PPP2R5E: variants seen among roughly 807,000 people sequenced by gnomAD.
The protein encoded by PPP2R5E is protein phosphatase 2 regulatory subunit B'epsilon, also known as serine/threonine-protein phosphatase 2A 56 kDa regulatory subunit epsilon isoform.
A neutral mutation model predicts 65.3 loss-of-function variants in PPP2R5E; 4 were observed. That is an observed-to-expected ratio of 0.06 (90% CI 0.03 to 0.14). The LOEUF (loss-of-function observed/expected upper bound fraction) is 0.14, where lower values mean the gene tolerates loss of function less well. Ranked by LOEUF, PPP2R5E falls within the 10% of genes least tolerant of loss-of-function variation. PPP2R5E has a pLI of 1.00. For missense variants in PPP2R5E, 274 were observed against 556.1 expected, an observed-to-expected ratio of 0.49 and a Z score of 5.10; for synonymous variants, 183 against 187.4, an observed-to-expected ratio of 0.98 and a Z score of 0.19.
At chr14:63,382,868 AAC>A (rs1463775520) in intron 12 of PPP2R5E, among the ~76,000 whole-genome samples, 1 of 152,224 alleles carries the variant, frequency 6.6e-6, no homozygotes, top group African/African-American at 2.4e-5. Context: ...TTTTCTAAAT[AAC>A]ACATAATTCA....
At chr14:63,419,560 A>G (rs1886888253) in intron 4 of PPP2R5E, among the ~76,000 whole-genome samples, 1 of 151,766 alleles carries the variant, frequency 6.6e-6, no homozygotes, top group Non-Finnish European at 1.5e-5. Context: ...AAAGGTGGCT[A>G]ATTTGTGCTA....
In PPP2R5E at chr14:63,430,377, G is replaced by GCATGCATA. The variant is rs1887587508; in HGVS notation, c.355-8284_355-8283insTATGCATG. Among the ~76,000 whole-genome samples the GCATGCATA allele has an allele frequency of 1.7e-4, 23 of 137,024 alleles. No homozygotes were observed. In the East Asian group the frequency reaches 2.6e-3, roughly 15 times the overall value. The allele number at this position is 137,024 out of a possible 152,430, so 89.9% of individuals were successfully genotyped here. On this transcript the variant is annotated intron_variant, in intron 3 of 13. Transcript: ENST00000337537. ...TACATACATACATACATACATGCAT[G>GCATGCATA]CATACATACATACATACATACATGC...
chr14:63,494,226 C>T (rs73276520), intron 2 of PPP2R5E, among the ~76,000 whole-genome samples: 3,044 of 151,930 alleles, frequency 0.02, 102 homozygotes, highest in African/African-American at 0.07. Flanking sequence ...AAGACTGTAC[C>T]GCCATTTATT....
chr14:63,442,652 T>C (rs1315470195), intron 3 of PPP2R5E, among the ~76,000 whole-genome samples: 1 of 152,206 alleles, frequency 6.6e-6, no homozygotes, highest in Non-Finnish European at 1.5e-5. Flanking sequence ...GTTATAGCTA[T>C]TCTATTTTAC....
intron 2 of PPP2R5E, among the ~76,000 whole-genome samples, chr14:63,496,445 A>G (rs547311422): frequency 2.2e-4 from 32 of 147,730 alleles, no homozygotes; most frequent in Middle Eastern, 3.4e-3. Flanking sequence ...CTCTGTCTCA[A>G]AAAAAAAAAA....
At chr14:63,427,399 AAAG>A (rs1887397592) in intron 3 of PPP2R5E, among the ~76,000 whole-genome samples, 1 of 152,202 alleles carries the variant, frequency 6.6e-6, no homozygotes, top group African/African-American at 2.4e-5. Flanking sequence ...GTGTCAGTGC[AAAG>A]TAAAAAAAAA....
chr14:63,462,215 C>A (rs570165747), intron 2 of PPP2R5E, among the ~76,000 whole-genome samples: 2 of 152,048 alleles, frequency 1.3e-5, no homozygotes, highest in Non-Finnish European at 1.5e-5. Flanking sequence ...GGACTACAGG[C>A]ACCTGCCACC....
rs572465030 is a variant in PPP2R5E at position 63,472,962 on chromosome 14, C to A, written c.158-19077G>T. Among the ~76,000 whole-genome samples, 11 of 152,212 alleles carry A rather than the reference C, an allele frequency of 7.2e-5. No individual in the cohort carries two copies. The East Asian group carries it at 2.1e-3, about 29-fold the overall frequency. ...TCAAATTAGCCAAAAACAATGTCAT[C>A]AGAACCAAGTATGAAGAGTTATGAG... On this transcript the variant is annotated intron_variant, in intron 2 of 13. Coordinates refer to ENST00000337537, the MANE Select transcript of PPP2R5E (RefSeq NM_006246.5).
At chr14:63,539,101 G>A (rs905466483) in intron 2 of PPP2R5E, among the ~76,000 whole-genome samples, 5 of 151,760 alleles carry the variant, frequency 3.3e-5, no homozygotes, top group African/African-American at 9.7e-5. Context: ...TTTTAAAAAC[G>A]AATTCTTCCA....
At chr14:63,540,018 G>A (rs1019670462) in intron 1 of PPP2R5E, among the ~76,000 whole-genome samples, 6 of 151,690 alleles carry the variant, frequency 4.0e-5, no homozygotes, top group Admixed American at 6.6e-5. Flanking sequence ...TCAGCTACCC[G>A]GGAGGCTGAG....
At chr14:63,420,557 G>A (rs1487062630) in intron 4 of PPP2R5E, among the ~76,000 whole-genome samples, 1 of 152,150 alleles carries the variant, frequency 6.6e-6, no homozygotes, top group African/African-American at 2.4e-5. Flanking sequence ...GCCTGAGTAA[G>A]AGCTGAGAAA....
intron 2 of PPP2R5E, among the ~76,000 whole-genome samples, chr14:63,462,330 A>G (rs1353352543): frequency 1.3e-5 from 2 of 152,124 alleles, no homozygotes; most frequent in Non-Finnish European, 2.9e-5. Context: ...TCGGCCTCCC[A>G]AAGTGCTAGG....
intron 2 of PPP2R5E, among the ~76,000 whole-genome samples, chr14:63,472,876 G>C (rs1283727027): frequency 6.6e-6 from 1 of 152,244 alleles, no homozygotes; most frequent in Non-Finnish European, 1.5e-5. Context: ...TGACAACACA[G>C]AAATGTGGGA....
chr14:63,520,192 C>A (rs542597733), intron 2 of PPP2R5E, among the ~76,000 whole-genome samples: 1 of 151,908 alleles, frequency 6.6e-6, no homozygotes, highest in Non-Finnish European at 1.5e-5. Context: ...CCCGCCACCA[C>A]GCCCGGCTAA....
chr14:63,539,758 A>C lies in PPP2R5E; in HGVS notation c.-7-66T>G. On this transcript the variant is annotated intron_variant, in intron 1 of 13. Coordinates refer to ENST00000337537, the MANE Select transcript of PPP2R5E (RefSeq NM_006246.5). ...GTGGAAGCATACATGTGAGTTATACAAATTCTAAAATTCCCATATACAATA... is the reference window on the plus strand; with the variant it reads ...GTGGAAGCATACATGTGAGTTATACCAATTCTAAAATTCCCATATACAATA... 4 of 1,416,584 alleles carry C rather than the reference A, an allele frequency of 2.8e-6. No individual in the cohort carries two copies. In the South Asian group the frequency reaches 4.0e-5, roughly 14 times the overall value. The allele number at this position is 1,416,584 out of a possible 1,614,324, so 87.8% of individuals were successfully genotyped here.
chr14:63,423,648 A>G (rs1594857997), intron 3 of PPP2R5E, among the ~76,000 whole-genome samples: 3 of 152,252 alleles, frequency 2.0e-5, no homozygotes, highest in African/African-American at 4.8e-5. Context: ...TAATGCAGAA[A>G]ATACTGAGCT....
chr14:63,515,419 T>G (rs1301378013), intron 2 of PPP2R5E, among the ~76,000 whole-genome samples: 2 of 152,222 alleles, frequency 1.3e-5, no homozygotes, highest in African/African-American at 4.8e-5. Flanking sequence ...TCCAATTTAA[T>G]CACACTTAAT....
intron 5 of PPP2R5E, among the ~76,000 whole-genome samples, chr14:63,409,247 A>C (rs1182351009): frequency 6.6e-6 from 1 of 151,826 alleles, no homozygotes; most frequent in African/African-American, 2.4e-5. Context: ...AAACAATCAA[A>C]TAAACAAAAA....
intron 3 of PPP2R5E, among the ~76,000 whole-genome samples, chr14:63,438,625 G>T (rs986997422): frequency 6.6e-5 from 10 of 152,192 alleles, no homozygotes; most frequent in African/African-American, 2.4e-4. Flanking sequence ...ATCAGTGCTA[G>T]ACAAGTCACA....
Sources: allele counts gnomAD v4.1 joint callset (sites outside exome capture counted in the v4.1 genomes callset), GRCh38; gene constraint gnomAD v4.1.1; transcripts MANE v1.5; gene names NCBI Gene and HGNC (gene_info 2026-07-23, HGNC 2026-07-21).